ABCB7: variants seen among roughly 807,000 people sequenced by gnomAD.
The protein encoded by ABCB7 is iron-sulfur clusters transporter ABCB7, mitochondrial.
A neutral mutation model predicts 54.4 loss-of-function variants in ABCB7; 7 were observed. That is an observed-to-expected ratio of 0.13 (90% CI 0.07 to 0.24). The LOEUF (loss-of-function observed/expected upper bound fraction) is 0.24, where lower values mean the gene tolerates loss of function less well. ABCB7 is among the 10% of genes least tolerant of loss of function. The pLI, the probability that ABCB7 is intolerant of heterozygous loss-of-function variation, is 1.00. For synonymous variants in ABCB7, 218 were observed against 207.1 expected (o/e 1.05, Z -0.45); for missense variants, 356 against 570.4 (o/e 0.62, Z 3.83).
chrX:75,130,744 T>C (rs2081968351), intron 1 of ABCB7, among the ~76,000 whole-genome samples: 1 of 111,155 alleles, frequency 9.0e-6, no homozygotes, highest in South Asian at 3.8e-4. Context: ...GAGTTAAACT[T>C]AGCCTAGGAA....
chrX:75,110,314 G>A (rs888956823), intron 3 of ABCB7, among the ~76,000 whole-genome samples: 1 of 112,072 alleles, frequency 8.9e-6, no homozygotes, highest in African/African-American at 3.2e-5. Context: ...ATTTGATTAT[G>A]TATGAAATCA....
Position 75,156,179 on chromosome X carries a change from C to A in ABCB7, c.94G>T (p.Val32Phe), listed in dbSNP as rs370841909. The A allele has an allele frequency of 6.6e-6, 8 of 1,205,625 alleles. No homozygotes were observed. The African/African-American group carries it at 1.4e-4, about 21-fold the overall frequency. ...TGCGGACCTGAGCCGCTAACAGAGA[C>A]TAAAGGCCGGATCAGAATCGCGGAG... Reference protein sequence around the residue: ...RHSAILIRPLVSVSGSGPQWR... With the variant: ...RHSAILIRPLFSVSGSGPQWR... Residue 32 changes from valine (V) to phenylalanine (F), a missense_variant, in exon 1 of 16, where the codon GTC (valine) becomes TTC (phenylalanine). By Grantham distance (50) the Val-to-Phe change is conservative. Transcript: ENST00000373394.
intron 1 of ABCB7, among the ~76,000 whole-genome samples, chrX:75,129,955 T>C (rs779741916): frequency 3.6e-5 from 4 of 111,167 alleles, no homozygotes; most frequent in Non-Finnish European, 5.7e-5. Flanking sequence ...AGGTAGCTAA[T>C]ACTATTATTA....
intron 1 of ABCB7, among the ~76,000 whole-genome samples, chrX:75,119,184 T>G (rs189674835): frequency 7.4e-4 from 83 of 112,420 alleles, no homozygotes; most frequent in Non-Finnish European, 1.4e-3. Flanking sequence ...GAAACAGTTT[T>G]ACATGCAAGG....
At chrX:75,092,969 G>A (rs1395064743) in intron 4 of ABCB7, among the ~76,000 whole-genome samples, 2 of 111,889 alleles carry the variant, frequency 1.8e-5, no homozygotes, top group Non-Finnish European at 3.8e-5. Flanking sequence ...TTGTAGGAAT[G>A]TAGAATGGTA....
chrX:75,109,240 G>A lies in ABCB7; in HGVS notation c.333+3646C>T, dbSNP rs147185540. ...CAAGTGAACAGCTATACCTAATAAC[G>A]ATGTAGACAAGACCTGAGAATAAAA... On this transcript the variant is annotated intron_variant, in intron 3 of 15. Transcript: ENST00000373394. Among the ~76,000 whole-genome samples the A allele has an allele frequency of 8.7e-3, 978 of 111,895 alleles. 13 individuals are homozygous for A. The highest frequency in any genetic ancestry group is 0.03 in the African/African-American group (929 of 30,791).
chrX:75,148,383 C>G (rs953243173), intron 1 of ABCB7, among the ~76,000 whole-genome samples: 1 of 108,966 alleles, frequency 9.2e-6, no homozygotes, highest in Admixed American at 9.8e-5. Context: ...CAAACCCCCC[C>G]CCAACCCCCG....
chrX:75,077,184 A>AT (rs746361734), intron 4 of ABCB7, among the ~76,000 whole-genome samples: 1 of 112,100 alleles, frequency 8.9e-6, no homozygotes, highest in Non-Finnish European at 1.9e-5. Flanking sequence ...CAGATCACAA[A>AT]AGCAGATGAA....
chrX:75,056,186 G>A (rs766319593), intron 15 of ABCB7, among the ~76,000 whole-genome samples: 7 of 111,261 alleles, frequency 6.3e-5, no homozygotes, highest in South Asian at 3.8e-4. Flanking sequence ...ATTTCAAACC[G>A]TGCAAATATT....
At chrX:75,065,309 T>C in intron 12 of ABCB7, 68 bp from the exon 13 acceptor site, 1 of 1,010,661 alleles carries the variant, frequency 9.9e-7, no homozygotes, top group Non-Finnish European at 1.4e-6. Context: ...TGTTCATTAT[T>C]AAAAATTCAA....
rs148980611 is a variant in ABCB7, at chrX:75,073,677, T to C, written c.1032+12A>G. 1,270 of 1,155,347 alleles carry C rather than the reference T, an allele frequency of 1.1e-3. 11 individuals are homozygous for C. The East Asian group carries it at 0.03, about 27-fold the overall frequency. On this transcript the variant is annotated intron_variant, in intron 8 of 15. Transcript: ENST00000373394. Reference sequence around the variant, plus strand: ...TGTGAAAGGCAGAGGAAAGTATAATTAAACATATTACCTTCACAGTTTCAT... The same window carrying C: ...TGTGAAAGGCAGAGGAAAGTATAATCAAACATATTACCTTCACAGTTTCAT...
chrX:75,122,512 T>C (rs776259577), intron 1 of ABCB7, among the ~76,000 whole-genome samples: 4 of 112,855 alleles, frequency 3.5e-5, no homozygotes, highest in Non-Finnish European at 7.5e-5. Flanking sequence ...GATATGCTGA[T>C]TTCATTTCCC....
rs1168707621 is a variant in ABCB7, at chrX:75,052,388, A to G, written c.*982T>C. On this transcript the variant is annotated 3_prime_UTR_variant, in exon 16 of 16. Coordinates refer to ENST00000373394, the MANE Select transcript of ABCB7 (RefSeq NM_001271696.3). The stretch of plus-strand genomic sequence containing the variant: ...AGGCTGAGGCAGGAGAATGGCGTGA[A>G]CCCAGGAGGCGGAGCTTGCAGTGAG... The G allele has an allele frequency of 9.4e-6, 1 of 106,323 alleles. No individual in the cohort carries two copies. Among genetic ancestry groups the G allele is most frequent in the Non-Finnish European group, 1.9e-5 (1 of 52,007 alleles). The allele number at this position is 106,323 out of a possible 1,213,427, so 8.8% of individuals were successfully genotyped here. A position where few individuals can be genotyped will look rare whatever the true frequency, so the allele number is the denominator to read the frequency against.
intron 4 of ABCB7, among the ~76,000 whole-genome samples, chrX:75,092,669 A>G (rs1308628892): frequency 1.8e-5 from 2 of 111,998 alleles, no homozygotes; most frequent in Non-Finnish European, 3.8e-5. Context: ...GACTTAACTG[A>G]TAAAGTATTT....
intron 1 of ABCB7, among the ~76,000 whole-genome samples, chrX:75,141,016 T>C (rs1182925531): frequency 8.9e-6 from 1 of 111,793 alleles, no homozygotes; most frequent in Non-Finnish European, 1.9e-5. Context: ...CTCTCATGTC[T>C]TCGGGATGAA....
chrX:75,119,416 G>A (rs970955314), intron 1 of ABCB7, among the ~76,000 whole-genome samples: 3 of 112,267 alleles, frequency 2.7e-5, no homozygotes, highest in African/African-American at 9.7e-5. Context: ...CGGTTTTTCC[G>A]TAAGTTGAAC....
intron 1 of ABCB7, among the ~76,000 whole-genome samples, chrX:75,137,931 T>C (rs761561895): frequency 6.3e-5 from 7 of 111,346 alleles, no homozygotes; most frequent in Non-Finnish European, 1.3e-4. Flanking sequence ...ATTATGCTAA[T>C]TACCTGGGTG....
At chrX:75,055,589 A>C (rs1397276437) in intron 15 of ABCB7, among the ~76,000 whole-genome samples, 20 of 107,474 alleles carry the variant, frequency 1.9e-4, no homozygotes, top group Non-Finnish European at 3.8e-4. Context: ...ACAACCAAAA[A>C]ACACACACAA....
intron 3 of ABCB7, among the ~76,000 whole-genome samples, chrX:75,111,891 T>C (rs2081763282): frequency 8.9e-6 from 1 of 112,053 alleles, no homozygotes; most frequent in Non-Finnish European, 1.9e-5. Context: ...CAGATGATCC[T>C]GAAAACTGGC....
Sources: gnomAD v4.1 joint callset for allele counts (sites outside exome capture counted in the v4.1 genomes callset) on GRCh38, gnomAD v4.1.1 for gene constraint, MANE v1.5 for transcripts, NCBI Gene and HGNC (gene_info 2026-07-23, HGNC 2026-07-21) for gene names.